Variants in SYNE3 observed in about 807,000 individuals in gnomAD.
The protein encoded by SYNE3 is spectrin repeat containing nuclear envelope family member 3, also known as nesprin-3.
In SYNE3, 100 loss-of-function variants were observed where a neutral mutation model predicts 111.2. The observed-to-expected ratio is 0.90, with a 90% CI of 0.77 to 1.06. The LOEUF (loss-of-function observed/expected upper bound fraction) is 1.06. SYNE3 is among the 50% of genes least tolerant of loss of function. The probability of loss-of-function intolerance (pLI) is 0.00; values close to 1 mark genes in which losing one functional copy is unlikely to be tolerated. For synonymous variants in SYNE3, 547 were observed against 533.9 expected (o/e 1.02, Z -0.34); for missense variants, 1,160 against 1,240.3 (o/e 0.94, Z 0.97).
At chr14:95,455,352 C>T (rs761487865) in intron 6 of SYNE3, 25 bp downstream of exon 6, 14 of 1,506,616 alleles carry the variant, frequency 9.3e-6, no homozygotes, top group Non-Finnish European at 1.2e-5. Context: ...ACCCTGGGCT[C>T]CATGACTCGG....
In SYNE3 at chr14:95,485,405, T is replaced by C. The variant is rs528499350; in HGVS notation, c.-14-9570A>G. On this transcript the variant is annotated intron_variant, in intron 1 of 17. Coordinates refer to ENST00000682763, the MANE Select transcript of SYNE3 (RefSeq NM_152592.6). The surrounding 1 kb of genome is among the most constrained non-coding windows in gnomAD (Gnocchi z 4.3). Reference sequence around the variant, plus strand: ...GCTTCCCTGGAGCCACCTTAATCAATAGACCTGAGGCATTCACTTGAGAGT... The same window carrying C: ...GCTTCCCTGGAGCCACCTTAATCAACAGACCTGAGGCATTCACTTGAGAGT... Among the ~76,000 whole-genome samples the C allele has an allele frequency of 2.0e-5, 3 of 152,212 alleles. No individual in the cohort carries two copies. Among genetic ancestry groups the C allele is most frequent in the Non-Finnish European group, 2.9e-5 (2 of 68,010 alleles).
At position 95,459,582 on chromosome 14, in the gene SYNE3, G is replaced by C. The variant is rs962845561; in HGVS notation, c.628-2244C>G. Among the ~76,000 whole-genome samples the C allele has an allele frequency of 2.6e-5, 4 of 152,180 alleles. No homozygotes were observed. The South Asian group carries it at 8.3e-4, about 31-fold the overall frequency. ...GGGTTCTGACCATCTGCAAATCTAA[G>C]TCAGACATTCTCAGCTGGGAAGAGT... is the stretch of plus-strand genomic sequence containing the variant. On this transcript the variant is annotated intron_variant, in intron 4 of 17. Transcript: ENST00000682763.
intron 8 of SYNE3, 196 bp downstream of exon 8, chr14:95,449,735 C>T: frequency 2.1e-6 from 2 of 970,192 alleles, no homozygotes; most frequent in Non-Finnish European, 2.5e-6. Flanking sequence ...CCCCAGGAGC[C>T]GAGCTGACCT....
intron 1 of SYNE3, among the ~76,000 whole-genome samples, chr14:95,501,521 C>T (rs539167253): frequency 3.3e-5 from 5 of 152,292 alleles, no homozygotes; most frequent in East Asian, 1.9e-4. Context: ...GACCTGCCCT[C>T]GAGGAGCTCA....
Position 95,417,925 on chromosome 14 carries a change from C to CAGGAACAGCAGGAGG in SYNE3, c.2814_2828dup (p.Leu940_Leu944dup), listed in dbSNP as rs753687279. The CAGGAACAGCAGGAGG allele has an allele frequency of 6.2e-7, 1 of 1,614,090 alleles. No homozygotes were observed. Among genetic ancestry groups the CAGGAACAGCAGGAGG allele is most frequent in the Middle Eastern group, 1.7e-4 (1 of 6,008 alleles). On this transcript the variant is annotated inframe_insertion, in exon 18 of 18. Transcript: ENST00000682763. The stretch of plus-strand genomic sequence containing the variant: ...TGCGGTCCTCTTCCCTGATTGGGAG[C>CAGGAACAGCAGGAGG]AGGAACAGCAGGAGGAGGAACAGCA...
chr14:95,465,136 G>C (rs1888081918), intron 4 of SYNE3, among the ~76,000 whole-genome samples: 1 of 152,106 alleles, frequency 6.6e-6, no homozygotes, highest in Non-Finnish European at 1.5e-5. Flanking sequence ...GGGCAAGAGA[G>C]AGCAAGGAGG....
At chr14:95,496,430 T>C (rs1890094417) in intron 1 of SYNE3, among the ~76,000 whole-genome samples, 1 of 152,244 alleles carries the variant, frequency 6.6e-6, no homozygotes, top group South Asian at 2.1e-4. Flanking sequence ...CACCCATTTA[T>C]GAATGTCCTG....
intron 4 of SYNE3, 73 bp downstream of exon 4, chr14:95,465,858 G>A (rs1888129810): frequency 3.4e-6 from 5 of 1,452,610 alleles, no homozygotes; most frequent in East Asian, 2.3e-5. Context: ...GCAAACAGTG[G>A]CTGGAATGGG....
At chr14:95,419,387 G>T (rs980021947) in intron 17 of SYNE3, among the ~76,000 whole-genome samples, 2 of 151,922 alleles carry the variant, frequency 1.3e-5, no homozygotes, top group Non-Finnish European at 2.9e-5. Flanking sequence ...CAAAGCAAAG[G>T]TATATATATA....
At chr14:95,448,652 C>A (rs1886862253) in intron 8 of SYNE3, among the ~76,000 whole-genome samples, 1 of 152,228 alleles carries the variant, frequency 6.6e-6, no homozygotes, top group South Asian at 2.1e-4. Context: ...CGCGCCACTG[C>A]ACTCCAGCCT....
chr14:95,408,467 G>A lies in SYNE3; in HGVS notation c.*9359C>T, dbSNP rs181048250. 3.9e-5 allele frequency: 6 copies of A among 152,778 alleles called. No individual in the cohort carries two copies. The highest frequency in any genetic ancestry group is 8.8e-5 in the Non-Finnish European group (6 of 68,438). 9.5% of individuals were successfully genotyped at this position (152,778 alleles called of 1,614,324 possible). A position where few individuals can be genotyped will look rare whatever the true frequency, so the allele number is the denominator to read the frequency against. ...AATTCCCAGATGACACAGATCTAAG[G>A]GGTCATCTGACCTTCCCTTCTTTAT... On this transcript the variant is annotated 3_prime_UTR_variant, in exon 18 of 18. Transcript: ENST00000682763.
chr14:95,454,913 G>C (rs1451462052), intron 6 of SYNE3, among the ~76,000 whole-genome samples: 2 of 152,162 alleles, frequency 1.3e-5, no homozygotes, highest in Non-Finnish European at 1.5e-5. Flanking sequence ...GGTCTGGGAA[G>C]CACCCCCCAC....
chr14:95,430,331 G>A (rs1200732582), intron 17 of SYNE3, among the ~76,000 whole-genome samples: 3 of 152,150 alleles, frequency 2.0e-5, no homozygotes, highest in Non-Finnish European at 4.4e-5. Context: ...TCTCCCACCA[G>A]GACCCACCAG....
intron 2 of SYNE3, among the ~76,000 whole-genome samples, chr14:95,473,437 T>G (rs1035519158): frequency 1.3e-5 from 2 of 151,922 alleles, no homozygotes; most frequent in African/African-American, 4.8e-5. Context: ...ACAGGTAAGG[T>G]CAGGAGCTGG....
chr14:95,409,424 G>C lies in SYNE3; in HGVS notation c.*8402C>G, dbSNP rs1343390734. Reference sequence around the variant, plus strand: ...AGAGGTGCTGGGGATGGGCTGGCCTGGTGTTCCTGGTTGCTGAGCTCAGAA... The same window carrying C: ...AGAGGTGCTGGGGATGGGCTGGCCTCGTGTTCCTGGTTGCTGAGCTCAGAA... On this transcript the variant is annotated 3_prime_UTR_variant, in exon 18 of 18. Coordinates refer to ENST00000682763, the MANE Select transcript of SYNE3 (RefSeq NM_152592.6). 4.4e-6 allele frequency: 2 copies of C among 454,884 alleles called. No individual in the cohort carries two copies. The highest frequency in any genetic ancestry group is 8.8e-6 in the Non-Finnish European group (2 of 226,210). The allele number at this position is 454,884 out of a possible 1,614,324, so 28.2% of individuals were successfully genotyped here.
chr14:95,441,213 G>A (rs1025779926), intron 11 of SYNE3, among the ~76,000 whole-genome samples: 7 of 152,216 alleles, frequency 4.6e-5, no homozygotes, highest in Non-Finnish European at 1.0e-4. Flanking sequence ...TGAGATCGCT[G>A]GATACCAGGC....
In SYNE3 at chr14:95,423,650, T is replaced by C. The variant is rs537767629; in HGVS notation, c.2728-5624A>G. ...GGATTTGATGGGGATGGGGTTTTGATGGGGATGGGGATTTGATGGGGATGG... is the reference window on the plus strand; with the variant it reads ...GGATTTGATGGGGATGGGGTTTTGACGGGGATGGGGATTTGATGGGGATGG... On this transcript the variant is annotated intron_variant, in intron 17 of 17. Transcript: ENST00000682763. Among the ~76,000 whole-genome samples the C allele has an allele frequency of 1.7e-3, 38 of 23,004 alleles. 1 individual carries two copies. The highest frequency in any genetic ancestry group is 5.0e-3 in the African/African-American group (33 of 6,628). 15.1% of individuals were successfully genotyped at this position (23,004 alleles called of 152,430 possible). A position where few individuals can be genotyped will look rare whatever the true frequency, so the allele number is the denominator to read the frequency against.
intron 1 of SYNE3, among the ~76,000 whole-genome samples, chr14:95,483,594 G>T (rs1394706676): frequency 6.6e-6 from 1 of 152,230 alleles, no homozygotes; most frequent in South Asian, 2.1e-4. Context: ...CTCCTCTGTG[G>T]CACTGGCAGA....
chr14:95,449,085 C>T (rs1417320847), intron 8 of SYNE3, among the ~76,000 whole-genome samples: 1 of 152,142 alleles, frequency 6.6e-6, no homozygotes, highest in African/African-American at 2.4e-5. Flanking sequence ...TTCAATGATG[C>T]CAGAGACAGT....
Sources: gnomAD v4.1 joint callset for allele counts (sites outside exome capture counted in the v4.1 genomes callset) on GRCh38, gnomAD v4.1.1 for gene constraint, Gnocchi (gnomAD v3.1) non-coding constraint, MANE v1.5 for transcripts, NCBI Gene and HGNC (gene_info 2026-07-23, HGNC 2026-07-21) for gene names.